Variants in LHCGR observed in about 807,000 individuals in gnomAD.
The protein encoded by LHCGR is lutropin-choriogonadotropic hormone receptor.
Under a neutral mutation model 60.7 loss-of-function variants are expected in LHCGR, and 55 were observed. The observed-to-expected ratio is 0.91, with a 90% CI of 0.73 to 1.13. LHCGR has a LOEUF of 1.13. Ranked by LOEUF, LHCGR falls within the 50% of genes most tolerant of loss-of-function variation. The probability of loss-of-function intolerance (pLI) is 0.00; values close to 1 mark genes in which losing one functional copy is unlikely to be tolerated. For missense variants in LHCGR, 862 were observed against 836.0 expected (o/e 1.03, Z -0.38); for synonymous variants, 337 against 316.5 (o/e 1.06, Z -0.69).
chr2:48,705,718 CT>C (rs548802313), intron 8 of LHCGR, among the ~76,000 whole-genome samples: 102 of 143,946 alleles, frequency 7.1e-4, no homozygotes, highest in East Asian at 8.0e-4. Context: ...GCAATCCCTG[CT>C]TTTTTTTTTT....
intron 1 of LHCGR, among the ~76,000 whole-genome samples, chr2:48,736,869 G>C (rs1669225157): frequency 6.6e-6 from 1 of 152,164 alleles, no homozygotes; most frequent in Admixed American, 6.5e-5. Flanking sequence ...AACTCCCTGG[G>C]TGAATGGAAA....
chr2:48,727,081 T>A (rs1165838820), intron 3 of LHCGR, among the ~76,000 whole-genome samples: 1 of 152,106 alleles, frequency 6.6e-6, no homozygotes, highest in East Asian at 1.9e-4. Flanking sequence ...AGTCAAACAA[T>A]CATAGGCCAT....
At chr2:48,721,641 T>C (rs1171275493) in intron 6 of LHCGR, 2 of 468,102 alleles carry the variant, frequency 4.3e-6, no homozygotes, top group South Asian at 3.1e-5. Flanking sequence ...AATCCAGTGA[T>C]ATAAAAGAGA....
At chr2:48,718,577 T>C (rs1668362883) in intron 6 of LHCGR, among the ~76,000 whole-genome samples, 1 of 152,120 alleles carries the variant, frequency 6.6e-6, no homozygotes. Context: ...TTAGAAGATA[T>C]CTTTTAGAAA....
At chr2:48,733,626 G>C (rs761746714) in intron 1 of LHCGR, among the ~76,000 whole-genome samples, 1 of 152,182 alleles carries the variant, frequency 6.6e-6, no homozygotes, top group Non-Finnish European at 1.5e-5. Flanking sequence ...TCAAGAAAGA[G>C]TCCTGGGGGC....
intron 1 of LHCGR, among the ~76,000 whole-genome samples, chr2:48,750,024 T>A (rs1176915293): frequency 6.6e-6 from 1 of 152,218 alleles, no homozygotes; most frequent in Non-Finnish European, 1.5e-5. Context: ...GAGTCAGAAC[T>A]AAGGTTCCAG....
chr2:48,729,177 T>G lies in LHCGR; in HGVS notation c.284A>C (p.Asp95Ala). 6.2e-7 allele frequency: 1 copy of G among 1,612,028 alleles called. No homozygotes were observed. Among genetic ancestry groups the G allele is most frequent in the East Asian group, 2.2e-5 (1 of 44,878 alleles). ...CATTTCAGACAAATTGAGGAGGTTG[T>G]CAAAGGCATTAGCTTCTATCCTTTC... ...SLERIEANAF[D>A]NLLNLSEILI... The change falls in exon 3 of 11, where the codon GAC becomes GCC. Residue 95 changes from aspartate to alanine, a missense_variant. Transcript: ENST00000294954.
At chr2:48,712,038 A>G (rs62135392) in intron 7 of LHCGR, among the ~76,000 whole-genome samples, 21,086 of 151,670 alleles carry the variant, frequency 0.14, 1,738 homozygotes, top group South Asian at 0.26. Context: ...ACATCTTATA[A>G]TTCCTCCTCT....
At chr2:48,737,999 C>T (rs1669274148) in intron 1 of LHCGR, among the ~76,000 whole-genome samples, 2 of 152,196 alleles carry the variant, frequency 1.3e-5, no homozygotes, top group Admixed American at 1.3e-4. Flanking sequence ...CTCCAACAAT[C>T]AAGTCACATC....
intron 1 of LHCGR, among the ~76,000 whole-genome samples, chr2:48,743,387 C>T (rs1192050066): frequency 6.6e-6 from 1 of 152,108 alleles, no homozygotes; most frequent in Non-Finnish European, 1.5e-5. Context: ...AGAGACACAA[C>T]CAAAAGAGAG....
At chr2:48,714,727 A>G (rs547514181) in intron 6 of LHCGR, among the ~76,000 whole-genome samples, 3 of 150,812 alleles carry the variant, frequency 2.0e-5, no homozygotes, top group Non-Finnish European at 4.4e-5. Flanking sequence ...TTTTTATGGT[A>G]TATACCTATA....
chr2:48,720,657 C>G (rs1458462240), intron 6 of LHCGR: 1 of 152,318 alleles, frequency 6.6e-6, no homozygotes, highest in African/African-American at 2.4e-5. Flanking sequence ...CTCCTCCTGC[C>G]ATGCTTTTGC....
chr2:48,722,534 T>G (rs13017840), intron 6 of LHCGR, among the ~76,000 whole-genome samples: 56,881 of 151,896 alleles, frequency 0.37, 11,956 homozygotes, highest in Non-Finnish European at 0.48. Context: ...CCTAGTGCTG[T>G]TCTTGTGATA....
intron 8 of LHCGR, among the ~76,000 whole-genome samples, chr2:48,699,285 A>G (rs1037994966): frequency 6.6e-6 from 1 of 152,032 alleles, no homozygotes; most frequent in East Asian, 1.9e-4. Flanking sequence ...ATTTTTTCTC[A>G]TGTGCGCCTC....
chr2:48,707,314 G>T (rs766995781), intron 8 of LHCGR, among the ~76,000 whole-genome samples: 3 of 152,210 alleles, frequency 2.0e-5, no homozygotes, highest in Non-Finnish European at 2.9e-5. Flanking sequence ...GAGCTCTCCT[G>T]TGTGAGGTGG....
Position 48,709,035 on chromosome 2 carries a change from AT to A in LHCGR, c.606-14del, listed in dbSNP as rs1253892946. ...TTCCTTTAGCTCCCTGTGGGGAAGG[AT>A]ATTGCCCTTAGTGGAGTTTGTACCT... On this transcript the variant is annotated splice_polypyrimidine_tract_variant and intron_variant, in intron 7 of 10. Transcript: ENST00000294954. 1 of 1,608,634 alleles carries A rather than the reference AT, an allele frequency of 6.2e-7. No individual in the cohort carries two copies. The highest frequency in any genetic ancestry group is 1.1e-5 in the South Asian group (1 of 90,980).
At chr2:48,710,103 A>G (rs1202921049) in intron 7 of LHCGR, among the ~76,000 whole-genome samples, 2 of 152,178 alleles carry the variant, frequency 1.3e-5, no homozygotes, top group Non-Finnish European at 2.9e-5. Flanking sequence ...AAGAACTGCA[A>G]AAACCCCTGC....
At chr2:48,713,528 A>G (rs1206453647) in intron 7 of LHCGR, among the ~76,000 whole-genome samples, 2 of 152,190 alleles carry the variant, frequency 1.3e-5, no homozygotes, top group African/African-American at 4.8e-5. Context: ...ACCTTGTGGA[A>G]AATGAGCTTC....
intron 1 of LHCGR, among the ~76,000 whole-genome samples, chr2:48,732,621 C>G (rs1025144929): frequency 6.6e-6 from 1 of 152,130 alleles, no homozygotes; most frequent in African/African-American, 2.4e-5. Flanking sequence ...GACATCCTTT[C>G]CCTGTGCAAT....
Sources: gnomAD v4.1 joint callset for allele counts (sites outside exome capture counted in the v4.1 genomes callset) on GRCh38, gnomAD v4.1.1 for gene constraint, MANE v1.5 for transcripts, NCBI Gene and HGNC (gene_info 2026-07-23, HGNC 2026-07-21) for gene names.